Variants in XKR4 observed in about 807,000 individuals in gnomAD.
The protein encoded by XKR4 is XK-related protein 4.
Under a neutral mutation model 53.9 loss-of-function variants are expected in XKR4, and 12 were observed. The ratio of observed to expected loss-of-function variants is 0.22; its 90% CI spans 0.14 to 0.36. The LOEUF is 0.36. XKR4 is among the 10% of genes least tolerant of loss of function. The pLI, the probability that XKR4 is intolerant of heterozygous loss-of-function variation, is 1.00. For missense variants in XKR4, 799 were observed against 859.5 expected, an observed-to-expected ratio of 0.93 and a Z score of 0.88; for synonymous variants, 354 against 362.4, an observed-to-expected ratio of 0.98 and a Z score of 0.26.
At chr8:55,149,907 G>A (rs1816819091) in intron 1 of XKR4, among the ~76,000 whole-genome samples, 1 of 152,156 alleles carries the variant, frequency 6.6e-6, no homozygotes, top group Non-Finnish European at 1.5e-5. Context: ...CATACAAGGG[G>A]AAACCATATT....
At chr8:55,315,555 A>G (rs1819460980) in intron 1 of XKR4, among the ~76,000 whole-genome samples, 1 of 152,050 alleles carries the variant, frequency 6.6e-6, no homozygotes, top group African/African-American at 2.4e-5. Context: ...GCTAATTGGG[A>G]TGGTGAGGGA....
intron 1 of XKR4, among the ~76,000 whole-genome samples, chr8:55,280,893 C>A (rs1818836987): frequency 6.6e-6 from 1 of 152,198 alleles, no homozygotes; most frequent in Admixed American, 6.5e-5. Context: ...AATCCATCCA[C>A]TTCCTGTTAA....
intron 2 of XKR4, among the ~76,000 whole-genome samples, chr8:55,442,962 A>G (rs1052325820): frequency 1.3e-5 from 2 of 152,236 alleles, no homozygotes; most frequent in African/African-American, 4.8e-5. Flanking sequence ...TCTCAATTAA[A>G]AAGGGCAATG....
intron 2 of XKR4, among the ~76,000 whole-genome samples, chr8:55,512,462 G>A (rs1295278206): frequency 2.0e-5 from 3 of 152,188 alleles, no homozygotes; most frequent in Admixed American, 6.5e-5. Flanking sequence ...GCTTTGGCCT[G>A]TGCCCATCTC....
At chr8:55,389,409 G>A (rs554759380) in intron 2 of XKR4, among the ~76,000 whole-genome samples, 47 of 152,162 alleles carry the variant, frequency 3.1e-4, no homozygotes, top group African/African-American at 1.1e-3. Flanking sequence ...TGTTCAGAAG[G>A]CCCCAGATTA....
intron 2 of XKR4, chr8:55,452,800 G>A: frequency 1.3e-6 from 1 of 780,584 alleles, no homozygotes; most frequent in Non-Finnish European, 2.3e-6. Context: ...ATGCTGTTGG[G>A]GACCAGGCTG....
chr8:55,143,251 G>A (rs943436639), intron 1 of XKR4, among the ~76,000 whole-genome samples: 1 of 152,198 alleles, frequency 6.6e-6, no homozygotes, highest in African/African-American at 2.4e-5. Flanking sequence ...TTGAACACAT[G>A]CACACATTTC....
rs1375082332 is a variant in XKR4, at chr8:55,531,178, T to C, written c.*6951T>C. ...ATGCATCGTCAGGCAATTTTGTCAT[T>C]GTGTGATGGAGTGTGCTTACACAAG... On this transcript the variant is annotated 3_prime_UTR_variant, in exon 3 of 3. Coordinates refer to ENST00000327381, the MANE Select transcript of XKR4 (RefSeq NM_052898.2). The C allele has an allele frequency of 2.0e-5, 3 of 152,136 alleles. No homozygotes were observed. The highest frequency in any genetic ancestry group is 4.4e-5 in the Non-Finnish European group (3 of 68,028). The allele number at this position is 152,136 out of a possible 1,614,324, so 9.4% of individuals were successfully genotyped here. A position where few individuals can be genotyped will look rare whatever the true frequency, so the allele number is the denominator to read the frequency against.
intron 2 of XKR4, among the ~76,000 whole-genome samples, chr8:55,488,447 G>GATAT (rs1806225613): frequency 7.7e-6 from 1 of 129,892 alleles, no homozygotes; most frequent in Non-Finnish European, 1.6e-5. Context: ...GATGTCCTTT[G>GATAT]ATAGATAAAT....
At chr8:55,105,456 A>G (rs758651636) in intron 1 of XKR4, among the ~76,000 whole-genome samples, 1 of 152,140 alleles carries the variant, frequency 6.6e-6, no homozygotes, top group Non-Finnish European at 1.5e-5. Flanking sequence ...ACTTGGAGAA[A>G]CTGTGGTCAC....
intron 2 of XKR4, chr8:55,452,633 A>G: frequency 7.2e-7 from 1 of 1,382,628 alleles, no homozygotes; most frequent in South Asian, 1.2e-5. Flanking sequence ...GCACCATGAC[A>G]TGCAGCCCCT....
intron 1 of XKR4, among the ~76,000 whole-genome samples, chr8:55,263,017 T>G (rs1157405953): frequency 6.6e-6 from 1 of 152,162 alleles, no homozygotes; most frequent in Non-Finnish European, 1.5e-5. Flanking sequence ...AGCATTGGCC[T>G]CTGAGTCCTG....
chr8:55,241,786 A>C (rs538456908), intron 1 of XKR4, among the ~76,000 whole-genome samples: 1 of 152,306 alleles, frequency 6.6e-6, no homozygotes, highest in South Asian at 2.1e-4. Flanking sequence ...ATCTGATGAG[A>C]TAATGTTCAT....
At chr8:55,354,871 C>A (rs1247885983) in intron 1 of XKR4, among the ~76,000 whole-genome samples, 2 of 149,198 alleles carry the variant, frequency 1.3e-5, no homozygotes, top group Non-Finnish European at 3.0e-5. Context: ...ATATTTGACA[C>A]AAAGGATGAT....
chr8:55,369,293 G>A (rs1049930209), intron 2 of XKR4, among the ~76,000 whole-genome samples: 1 of 149,130 alleles, frequency 6.7e-6, no homozygotes, highest in Admixed American at 6.7e-5. Context: ...AAGCTGCAGT[G>A]AGCTGAGAGC....
At chr8:55,164,324 G>T (rs1282177077) in intron 1 of XKR4, 1 of 455,124 alleles carries the variant, frequency 2.2e-6, no homozygotes, top group Non-Finnish European at 4.4e-6. Context: ...ATTGCTATTT[G>T]GAGGGTGAGA....
At chr8:55,274,616 A>G (rs779626118) in intron 1 of XKR4, among the ~76,000 whole-genome samples, 17 of 152,064 alleles carry the variant, frequency 1.1e-4, no homozygotes, top group Non-Finnish European at 2.4e-4. Flanking sequence ...TATTTTCAGT[A>G]GAGACGGGGT....
intron 1 of XKR4, among the ~76,000 whole-genome samples, chr8:55,204,742 C>T (rs1265391510): frequency 6.6e-6 from 1 of 152,154 alleles, no homozygotes; most frequent in East Asian, 1.9e-4. Context: ...GAATTTCAAA[C>T]ATATAACTTC....
chr8:55,276,791 G>T (rs578141711), intron 1 of XKR4, among the ~76,000 whole-genome samples: 2 of 152,122 alleles, frequency 1.3e-5, no homozygotes, highest in South Asian at 4.1e-4. Flanking sequence ...ATTCTATTTT[G>T]CAATAATTCA....
Sources: allele counts gnomAD v4.1 joint callset (sites outside exome capture counted in the v4.1 genomes callset), GRCh38; gene constraint gnomAD v4.1.1; transcripts MANE v1.5; gene names NCBI Gene and HGNC (gene_info 2026-07-23, HGNC 2026-07-21).